CROCC2: variants seen among roughly 807,000 people sequenced by gnomAD.
The protein encoded by CROCC2 is ciliary rootlet coiled-coil, rootletin family member 2, also known as ciliary rootlet coiled-coil protein 2.
CROCC2 carries 163 observed loss-of-function variants against 177.6 expected under a neutral mutation model. That is an observed-to-expected ratio of 0.92 (90% CI 0.81 to 1.05). The LOEUF (loss-of-function observed/expected upper bound fraction) is 1.05. CROCC2 is among the 50% of genes least tolerant of loss of function. The pLI is 0.00. For missense variants in CROCC2, 1,929 were observed against 1,797.8 expected (o/e 1.07, Z -1.32); for synonymous variants, 904 against 787.3 (o/e 1.15, Z -2.48).
In CROCC2 at chr2:240,968,145, G is replaced by A. The variant is rs1338048252; in HGVS notation, c.4284G>A (p.Glu1428=). 4.7e-6 allele frequency: 7 copies of A among 1,499,614 alleles called. No individual in the cohort carries two copies. Among genetic ancestry groups the A allele is most frequent in the Admixed American group, 4.4e-5 (2 of 45,734 alleles). The allele number at this position is 1,499,614 out of a possible 1,614,324, so 92.9% of individuals were successfully genotyped here. A position where few individuals can be genotyped will look rare whatever the true frequency, so the allele number is the denominator to read the frequency against. The change falls in exon 27 of 32, where the codon GAG becomes GAA. Residue 1428 remains glutamate (E), a synonymous_variant. Transcript: ENST00000690015. ...AEAEEGQRRV[E]GALSSARAAR... is the part of the protein sequence containing the mutation. Reference sequence around the variant, plus strand: ...GCCCCACAGGCCAGCGCCGGGTGGAGGGCGCGCTGAGCAGCGCCCGGGCAG... The same window carrying A: ...GCCCCACAGGCCAGCGCCGGGTGGAAGGCGCGCTGAGCAGCGCCCGGGCAG...
intron 31 of CROCC2, 42 bp from the exon 32 acceptor site, chr2:240,993,024 C>CG (rs1218746827): frequency 1.5e-5 from 11 of 714,778 alleles, no homozygotes; most frequent in Non-Finnish European, 2.6e-5. Context: ...CATGTGTCCC[C>CG]GGGAATGCGG....
rs1311496870 is a variant in CROCC2, at chr2:240,965,539, CAGAAG to C, written c.3603+22_3603+26del. 1.7e-5 allele frequency: 26 copies of C among 1,550,128 alleles called. No individual in the cohort carries two copies. In the African/African-American group the frequency reaches 2.7e-4, roughly 16 times the overall value. On this transcript the variant is annotated intron_variant, in intron 23 of 31. Transcript: ENST00000690015. ...AGGAGGTGGGAGGGCTGCCTGTGGT[CAGAAG>C]GGAAGGAGCTGGGCGTCGGGGAGCA...
chr2:240,947,916 GT>G (rs34558094), intron 15 of CROCC2, among the ~76,000 whole-genome samples: 25,744 of 151,972 alleles, frequency 0.17, 2,362 homozygotes, highest in African/African-American at 0.2. Context: ...AGCCCCTGGA[GT>G]TTCTCCTGGG....
intron 20 of CROCC2, among the ~76,000 whole-genome samples, chr2:240,962,572 G>A (rs1193309204): frequency 3.3e-5 from 5 of 152,164 alleles, no homozygotes; most frequent in East Asian, 1.9e-4. Context: ...CAGGCCGGTC[G>A]GGGGCCTGGA....
intron 18 of CROCC2, 181 bp downstream of exon 18, chr2:240,950,691 C>A: frequency 1.7e-6 from 1 of 602,406 alleles, no homozygotes. Context: ...GTTCATCCAG[C>A]CATCTGTCCA....
At chr2:240,976,755 A>T (rs374758882) in intron 27 of CROCC2, among the ~76,000 whole-genome samples, 2 of 88,658 alleles carry the variant, frequency 2.3e-5, no homozygotes, top group African/African-American at 4.4e-5. Flanking sequence ...TAGGAGCCTC[A>T]GGAGCCCAGG....
intron 20 of CROCC2, among the ~76,000 whole-genome samples, chr2:240,961,803 A>ACACTCATACTCACACACG: frequency 1.3e-5 from 1 of 76,168 alleles, no homozygotes; most frequent in Admixed American, 1.3e-4. Context: ...ACTCACACAT[A>ACACTCATACTCACACACG]CACTCACATA....
rs138795652 is a variant in CROCC2 at position 240,931,486 on chromosome 2, C to T, written c.947+358C>T. 3.1e-3 allele frequency among the ~76,000 whole-genome samples: 465 copies of T among 152,258 alleles called. 6 individuals are homozygous for T. Among genetic ancestry groups the T allele is most frequent in the Non-Finnish European group, 3.7e-3 (251 of 68,010 alleles). ...CACCTTAGGTAAATCATATAAAAAC[C>T]GAGGCAGGAAGAGGGACCAGGCCAC... On this transcript the variant is annotated intron_variant, in intron 7 of 31. Coordinates refer to ENST00000690015, the MANE Select transcript of CROCC2 (RefSeq NM_001351305.2).
rs2059810230 is a variant in CROCC2 at position 240,982,851 on chromosome 2, A to C, written c.4402-29A>C. On this transcript the variant is annotated intron_variant, in intron 27 of 31. Coordinates refer to ENST00000690015, the MANE Select transcript of CROCC2 (RefSeq NM_001351305.2). The surrounding 1 kb of genome is among the most constrained non-coding windows in gnomAD (Gnocchi z 4.7). ...AGGGCCTCCCACCCCCAGTGTCTCC[A>C]GGTGGACCCTGTGTCTCCTTCCCCC... 2.0e-6 allele frequency: 3 copies of C among 1,537,544 alleles called. No homozygotes were observed. The highest frequency in any genetic ancestry group is 2.6e-6 in the Non-Finnish European group (3 of 1,139,804).
At chr2:240,927,591 C>G (rs2059402416) in intron 5 of CROCC2, among the ~76,000 whole-genome samples, 1 of 152,030 alleles carries the variant, frequency 6.6e-6, no homozygotes, top group South Asian at 2.1e-4. Flanking sequence ...TGTATTTTTC[C>G]TCATTAAGAG....
Position 240,949,828 on chromosome 2 carries a change from G to C in CROCC2, c.2652+126G>C, listed in dbSNP as rs2059543124. 2 of 995,718 alleles carry C rather than the reference G, an allele frequency of 2.0e-6. No homozygotes were observed. The highest frequency in any genetic ancestry group is 5.3e-5 in the East Asian group (2 of 37,830). The allele number at this position is 995,718 out of a possible 1,614,324, so 61.7% of individuals were successfully genotyped here. ...GAGACATAGGCGCCTGGCCAGGGCTGGGCAAGGACCAGCTCACTCTTTATA... is the reference window on the plus strand; with the variant it reads ...GAGACATAGGCGCCTGGCCAGGGCTCGGCAAGGACCAGCTCACTCTTTATA... On this transcript the variant is annotated intron_variant, in intron 17 of 31. Coordinates refer to ENST00000690015, the MANE Select transcript of CROCC2 (RefSeq NM_001351305.2). The surrounding 1 kb of genome is among the most constrained non-coding windows in gnomAD (Gnocchi z 4.5).
intron 6 of CROCC2, 77 bp downstream of exon 6, chr2:240,930,346 G>T: frequency 2.2e-6 from 1 of 457,782 alleles, no homozygotes; most frequent in East Asian, 3.5e-5. Context: ...GGGGGAAATC[G>T]GTGCCCAGGG....
rs1260173717 is a variant in CROCC2, at chr2:240,949,780, G to C, written c.2652+78G>C. 2.8e-6 allele frequency: 4 copies of C among 1,411,986 alleles called. No individual in the cohort carries two copies. The African/African-American group carries it at 5.8e-5, about 20-fold the overall frequency. The allele number at this position is 1,411,986 out of a possible 1,614,324, so 87.5% of individuals were successfully genotyped here. ...GGGAATGGCAGGCCCTTGGGAGGAGGGGGCCCTGGGAGACAGAGCTCAGAG... is the reference window on the plus strand; with the variant it reads ...GGGAATGGCAGGCCCTTGGGAGGAGCGGGCCCTGGGAGACAGAGCTCAGAG... On this transcript the variant is annotated intron_variant, in intron 17 of 31. Coordinates refer to ENST00000690015, the MANE Select transcript of CROCC2 (RefSeq NM_001351305.2). The surrounding 1 kb of genome is among the most constrained non-coding windows in gnomAD (Gnocchi z 4.5).
At chr2:240,926,351 G>A (rs1347067799) in intron 5 of CROCC2, among the ~76,000 whole-genome samples, 1 of 152,236 alleles carries the variant, frequency 6.6e-6, no homozygotes, top group Non-Finnish European at 1.5e-5. Flanking sequence ...TCAGGGCACA[G>A]AGCTCCAGGC....
rs1028703105 is a variant in CROCC2 at position 240,918,571 on chromosome 2, G to A, written c.79-155G>A. Reference sequence around the variant, plus strand: ...CCGCAGGTGCAGAACCAAGGCATGCGCCTGAGTGACCTGCCCAGCCTCACC... The same window carrying A: ...CCGCAGGTGCAGAACCAAGGCATGCACCTGAGTGACCTGCCCAGCCTCACC... On this transcript the variant is annotated intron_variant, in intron 1 of 31. Transcript: ENST00000690015. The surrounding 1 kb of genome is among the most constrained non-coding windows in gnomAD (Gnocchi z 6.3). Among the ~76,000 whole-genome samples the A allele has an allele frequency of 3.3e-5, 5 of 152,212 alleles. No individual in the cohort carries two copies. The highest frequency in any genetic ancestry group is 5.9e-5 in the Non-Finnish European group (4 of 68,048).
At chr2:240,990,943 G>A (rs929811628) in intron 30 of CROCC2, among the ~76,000 whole-genome samples, 12 of 152,242 alleles carry the variant, frequency 7.9e-5, no homozygotes, top group African/African-American at 2.2e-4. Context: ...AAGGGTGCGC[G>A]GTGGCCATAC....
At chr2:240,937,302 T>C (rs1219248044) in intron 14 of CROCC2, among the ~76,000 whole-genome samples, 1 of 152,246 alleles carries the variant, frequency 6.6e-6, no homozygotes, top group Non-Finnish European at 1.5e-5. Flanking sequence ...TTCATGCATG[T>C]ATTGGATATT....
At chr2:240,988,909 G>A in intron 29 of CROCC2, 39 bp downstream of exon 29, 6 of 1,372,530 alleles carry the variant, frequency 4.4e-6, no homozygotes, top group Non-Finnish European at 5.7e-6. Flanking sequence ...CCCCAGGCCT[G>A]GGGGCAGACC....
At chr2:240,991,134 A>C in intron 30 of CROCC2, 62 bp from the exon 31 acceptor site, 1 of 1,322,480 alleles carries the variant, frequency 7.6e-7, no homozygotes, top group Non-Finnish European at 1.0e-6. Context: ...CCATGCCTCT[A>C]TGCCCTGGGG....
Sources: gnomAD v4.1 joint callset for allele counts (sites outside exome capture counted in the v4.1 genomes callset) on GRCh38, gnomAD v4.1.1 for gene constraint, Gnocchi (gnomAD v3.1) non-coding constraint, MANE v1.5 for transcripts, NCBI Gene and HGNC (gene_info 2026-07-23, HGNC 2026-07-21) for gene names.